Variants in ZC3H12B observed in about 807,000 individuals in gnomAD.
The protein encoded by ZC3H12B is probable ribonuclease ZC3H12B.
A neutral mutation model predicts 43.9 loss-of-function variants in ZC3H12B; 7 were observed. The ratio of observed to expected loss-of-function variants is 0.16; its 90% CI spans 0.09 to 0.30. The LOEUF (loss-of-function observed/expected upper bound fraction) is 0.30, where lower values mean the gene tolerates loss of function less well. Among genes scored for constraint, ZC3H12B ranks in the 10% least tolerant of loss-of-function variants. The probability of loss-of-function intolerance (pLI) is 1.00; values close to 1 mark genes in which losing one functional copy is unlikely to be tolerated. For missense variants in ZC3H12B, 475 were observed against 670.2 expected, an observed-to-expected ratio of 0.71 and a Z score of 3.22; for synonymous variants, 222 against 241.7, an observed-to-expected ratio of 0.92 and a Z score of 0.76.
At chrX:65,119,522 G>T in the ZC3H12B span, among the ~76,000 whole-genome samples, 1 of 111,608 alleles carries the variant, frequency 9.0e-6, no homozygotes, top group East Asian at 2.8e-4. Context: ...ATTTGTTTGA[G>T]TTCATTGTAG....
the ZC3H12B span, among the ~76,000 whole-genome samples, chrX:65,342,859 A>G: frequency 9.1e-6 from 1 of 110,489 alleles, no homozygotes; most frequent in Non-Finnish European, 1.9e-5. Context: ...AAAAATTCAA[A>G]AGATCCAGGA....
At chrX:65,120,902 G>T in the ZC3H12B span, among the ~76,000 whole-genome samples, 1 of 111,693 alleles carries the variant, frequency 9.0e-6, no homozygotes, top group Admixed American at 9.5e-5. Flanking sequence ...CATTTATTGA[G>T]ATAATCATGT....
chrX:65,292,475 G>A, the ZC3H12B span, among the ~76,000 whole-genome samples: 1 of 110,862 alleles, frequency 9.0e-6, no homozygotes, highest in African/African-American at 3.3e-5. Context: ...GGGGCTTACT[G>A]GAGGGTGGAG....
At chrX:65,091,080 T>G in the ZC3H12B span, among the ~76,000 whole-genome samples, 6 of 111,680 alleles carry the variant, frequency 5.4e-5, no homozygotes, top group African/African-American at 2.0e-4. Context: ...TGAAACCTAT[T>G]TTCTTTATAA....
At chrX:65,173,729 G>T in the ZC3H12B span, among the ~76,000 whole-genome samples, 1 of 111,811 alleles carries the variant, frequency 8.9e-6, no homozygotes, top group Non-Finnish European at 1.9e-5. Context: ...TACATTTATT[G>T]ATTTTTGTAT....
chrX:65,076,995 G>A, the ZC3H12B span, among the ~76,000 whole-genome samples: 2 of 111,326 alleles, frequency 1.8e-5, no homozygotes, highest in Non-Finnish European at 3.8e-5. Flanking sequence ...CCATTTTATC[G>A]TGAATATTTT....
chrX:65,368,151 A>G (rs776604553), intron 1 of ZC3H12B, among the ~76,000 whole-genome samples: 1 of 112,089 alleles, frequency 8.9e-6, no homozygotes, highest in African/African-American at 3.2e-5. Flanking sequence ...TTTATTTTGG[A>G]GTGAGGTAGA....
At chrX:65,256,085 G>C in the ZC3H12B span, among the ~76,000 whole-genome samples, 1 of 111,831 alleles carries the variant, frequency 8.9e-6, no homozygotes, top group Non-Finnish European at 1.9e-5. Flanking sequence ...CACAATAATA[G>C]CAGGAGACTT....
intron 1 of ZC3H12B, among the ~76,000 whole-genome samples, 163 bp from the exon 7 acceptor site, chrX:65,496,969 A>AAAAAG (rs1181547356): frequency 9.0e-6 from 1 of 110,760 alleles, no homozygotes; most frequent in Non-Finnish European, 1.9e-5. Context: ...AAAAAAGAAA[A>AAAAAG]AAAAGAAAAG....
chrX:65,104,512 C>T, the ZC3H12B span, among the ~76,000 whole-genome samples: 4 of 111,457 alleles, frequency 3.6e-5, no homozygotes, highest in Admixed American at 1.9e-4. Flanking sequence ...GCAATCTAAC[C>T]GTTTGCAAAG....
In ZC3H12B at chrX:65,437,996, G is replaced by C. The variant is rs1437185322; in HGVS notation, n.407+39292G>C. On this transcript the variant is annotated intron_variant and non_coding_transcript_variant, in intron 3 of 5. Transcript: ENST00000617377. Reference sequence around the variant, plus strand: ...CCCAGTACCTCTTATTGAAGAGATTGTCCTTTCCCCATTATATGTTCTTGA... The same window carrying C: ...CCCAGTACCTCTTATTGAAGAGATTCTCCTTTCCCCATTATATGTTCTTGA... 2.7e-5 allele frequency among the ~76,000 whole-genome samples: 3 copies of C among 112,293 alleles called. No individual in the cohort carries two copies. In the East Asian group the frequency reaches 8.4e-4, roughly 31 times the overall value.
At chrX:65,325,052 C>T in the ZC3H12B span, among the ~76,000 whole-genome samples, 1 of 110,779 alleles carries the variant, frequency 9.0e-6, no homozygotes, top group East Asian at 2.8e-4. Flanking sequence ...TTCTGTGTCT[C>T]TTTTTGCAGT....
the ZC3H12B span, among the ~76,000 whole-genome samples, chrX:65,150,613 T>C: frequency 4.0e-4 from 45 of 111,368 alleles, no homozygotes; most frequent in Non-Finnish European, 3.2e-4. Context: ...CTTGTGTTAG[T>C]TTGTTGAAGA....
chrX:65,169,239 G>T, the ZC3H12B span, among the ~76,000 whole-genome samples: 1 of 111,659 alleles, frequency 9.0e-6, no homozygotes, highest in Admixed American at 9.5e-5. Flanking sequence ...TTGTGTCTTT[G>T]TACTCATTGG....
the ZC3H12B span, among the ~76,000 whole-genome samples, chrX:65,168,898 T>A: frequency 7.1e-5 from 8 of 111,941 alleles, no homozygotes; most frequent in African/African-American, 2.3e-4. Flanking sequence ...CCCTTTATCA[T>A]TTTTTATTGC....
chrX:65,136,711 G>A, the ZC3H12B span, among the ~76,000 whole-genome samples: 1 of 111,378 alleles, frequency 9.0e-6, no homozygotes, highest in Non-Finnish European at 1.9e-5. Flanking sequence ...GAGAACCCAG[G>A]GGAACTCATT....
intron 3 of ZC3H12B, among the ~76,000 whole-genome samples, chrX:65,444,524 C>T (rs771469909): frequency 8.9e-6 from 1 of 112,495 alleles, no homozygotes; most frequent in African/African-American, 3.2e-5. Flanking sequence ...TGTGGGAACT[C>T]CCTAGCCATG....
At chrX:65,155,627 G>A in the ZC3H12B span, among the ~76,000 whole-genome samples, 9 of 111,416 alleles carry the variant, frequency 8.1e-5, no homozygotes, top group Non-Finnish European at 1.7e-4. Flanking sequence ...CCCAAGGCAG[G>A]AGGATCCATT....
intron 3 of ZC3H12B, among the ~76,000 whole-genome samples, chrX:65,453,614 C>T (rs1281014973): frequency 9.5e-6 from 1 of 105,713 alleles, no homozygotes; most frequent in Admixed American, 1.0e-4. Context: ...CCCAGCTACT[C>T]GGGAGGCTGA....
Sources: gnomAD v4.1 joint callset for allele counts (sites outside exome capture counted in the v4.1 genomes callset) on GRCh38, gnomAD v4.1.1 for gene constraint, MANE v1.5 for transcripts, NCBI Gene and HGNC (gene_info 2026-07-23, HGNC 2026-07-21) for gene names.